Variants in LDAH observed in about 807,000 individuals in gnomAD.
The protein encoded by LDAH is lipid droplet associated hydrolase, also known as lipid droplet-associated hydrolase.
In LDAH, 26 loss-of-function variants were observed where a neutral mutation model predicts 29.6. The observed-to-expected ratio is 0.88, with a 90% confidence interval of 0.64 to 1.22. The LOEUF is 1.22. Ranked by LOEUF, LDAH falls within the 50% of genes most tolerant of loss-of-function variation. The probability of loss-of-function intolerance (pLI) is 0.00; values close to 1 mark genes in which losing one functional copy is unlikely to be tolerated. For missense variants in LDAH, 344 were observed against 387.3 expected (o/e 0.89, Z 0.94); for synonymous variants, 117 against 133.0 (o/e 0.88, Z 0.83).
chr2:20,778,424 TTA>T (rs1669963053), intron 3 of LDAH, among the ~76,000 whole-genome samples: 2 of 152,174 alleles, frequency 1.3e-5, no homozygotes, highest in African/African-American at 4.8e-5. Flanking sequence ...GCTGCTCCAG[TTA>T]TTAAAGTTAT....
rs933732289 is a variant in LDAH at position 20,808,639 on chromosome 2, T to C, written c.-2-7174A>G. On this transcript the variant is annotated intron_variant, in intron 1 of 6. Transcript: ENST00000237822. ...TGCCACTGCACTCCAGCCTGCGCGA[T>C]AGAGAGAGACTCCGTCTCAAAAAAA... Among the ~76,000 whole-genome samples the C allele has an allele frequency of 3.7e-5, 5 of 133,650 alleles. No homozygotes were observed. In the South Asian group the frequency reaches 6.9e-4, roughly 18 times the overall value. The allele number at this position is 133,650 out of a possible 152,430, so 87.7% of individuals were successfully genotyped here.
intron 3 of LDAH, among the ~76,000 whole-genome samples, chr2:20,777,708 CCTAT>C (rs1267446967): frequency 1.3e-5 from 2 of 151,998 alleles, no homozygotes; most frequent in Admixed American, 6.6e-5. Context: ...CCATTCCCAG[CCTAT>C]CTTTTTTCAT....
chr2:20,764,317 G>GA (rs1431460845), intron 4 of LDAH, among the ~76,000 whole-genome samples: 1 of 152,240 alleles, frequency 6.6e-6, no homozygotes, highest in East Asian at 1.9e-4. Context: ...AAATCTTTCA[G>GA]AAATCAGAGT....
intron 5 of LDAH, among the ~76,000 whole-genome samples, chr2:20,730,382 G>A (rs1666314775): frequency 6.6e-6 from 1 of 152,160 alleles, no homozygotes; most frequent in Non-Finnish European, 1.5e-5. Context: ...GTTTTTAACT[G>A]TCAAACTGCT....
chr2:20,728,410 TG>T (rs1666164005), intron 5 of LDAH, among the ~76,000 whole-genome samples: 1 of 152,130 alleles, frequency 6.6e-6, no homozygotes, highest in Admixed American at 6.5e-5. Context: ...CCCCTCTCTT[TG>T]TGTAACCATG....
rs146962521 is a variant in LDAH, at chr2:20,701,652, G to A, written c.704C>T (p.Ala235Val). ...PLNILEPFCL[A>V]NAAYLGGQEM... is the part of the protein sequence containing the mutation. Reference sequence around the variant, plus strand: ...TTGGCCCCCAAGGTAGGCAGCATTAGCTACATTTAAAAAATAAAAAGTCAA... The same window carrying A: ...TTGGCCCCCAAGGTAGGCAGCATTAACTACATTTAAAAAATAAAAAGTCAA... Residue 235 changes from alanine (A) to valine (V), a missense_variant and splice_region_variant, in exon 6 of 7, where the codon GCT becomes GTT. Transcript: ENST00000237822. 1.9e-6 allele frequency: 3 copies of A among 1,612,128 alleles called. No homozygotes were observed. The highest frequency in any genetic ancestry group is 2.2e-5 in the South Asian group (2 of 91,044).
At chr2:20,801,276 CAA>C (rs1671643134) in intron 2 of LDAH, 32 bp downstream of exon 2, 2 of 1,592,260 alleles carry the variant, frequency 1.3e-6, no homozygotes, top group Non-Finnish European at 1.7e-6. Context: ...TGAGTATCTA[CAA>C]AAAGTCTCCT....
At chr2:20,791,274 C>T (rs966016158) in intron 2 of LDAH, among the ~76,000 whole-genome samples, 12 of 152,188 alleles carry the variant, frequency 7.9e-5, no homozygotes, top group Non-Finnish European at 1.6e-4. Flanking sequence ...TTGCCACTTA[C>T]CAACTGTGTG....
At chr2:20,768,413 G>A (rs1669185404) in intron 4 of LDAH, among the ~76,000 whole-genome samples, 1 of 152,204 alleles carries the variant, frequency 6.6e-6, no homozygotes, top group Admixed American at 6.5e-5. Context: ...GCCTGGTCCA[G>A]CTGCAGCCTC....
At chr2:20,810,363 T>C (rs902066162) in intron 1 of LDAH, among the ~76,000 whole-genome samples, 3 of 152,226 alleles carry the variant, frequency 2.0e-5, no homozygotes, top group Admixed American at 6.5e-5. Flanking sequence ...GAGTACCAGA[T>C]TAAAGTTGTA....
At chr2:20,710,845 A>G (rs1664702430) in intron 5 of LDAH, among the ~76,000 whole-genome samples, 1 of 151,862 alleles carries the variant, frequency 6.6e-6, no homozygotes, top group Non-Finnish European at 1.5e-5. Flanking sequence ...CAGAATTCTA[A>G]GACGTCTTTC....
At chr2:20,773,851 C>T (rs1669596906) in intron 4 of LDAH, among the ~76,000 whole-genome samples, 1 of 152,142 alleles carries the variant, frequency 6.6e-6, no homozygotes, top group Non-Finnish European at 1.5e-5. Flanking sequence ...TAGCACAAAG[C>T]AGCCATGAAG....
chr2:20,711,808 C>T (rs1664785111), intron 5 of LDAH, among the ~76,000 whole-genome samples: 1 of 152,376 alleles, frequency 6.6e-6, no homozygotes, highest in East Asian at 1.9e-4. Flanking sequence ...TGAGATTGAC[C>T]TGCAAGGCAG....
intron 4 of LDAH, among the ~76,000 whole-genome samples, chr2:20,756,514 AAGAG>A (rs1668355430): frequency 6.6e-6 from 1 of 152,180 alleles, no homozygotes; most frequent in African/African-American, 2.4e-5. Context: ...GAGAGAGAGA[AAGAG>A]AGACCCATGA....
chr2:20,807,078 GA>G (rs1370308775), intron 1 of LDAH, among the ~76,000 whole-genome samples: 2 of 151,646 alleles, frequency 1.3e-5, no homozygotes, highest in Non-Finnish European at 2.9e-5. Context: ...TATCAGAAGT[GA>G]AAAAAGGATA....
intron 1 of LDAH, among the ~76,000 whole-genome samples, chr2:20,816,754 C>T (rs1672877747): frequency 6.6e-6 from 1 of 151,744 alleles, no homozygotes; most frequent in African/African-American, 2.4e-5. Flanking sequence ...AACACTGCAA[C>T]CAATAATAAC....
intron 3 of LDAH, among the ~76,000 whole-genome samples, chr2:20,784,759 C>A (rs888363504): frequency 6.6e-6 from 1 of 151,858 alleles, no homozygotes; most frequent in South Asian, 2.1e-4. Context: ...TAGTGGCACA[C>A]GTCTGTAGTC....
intron 4 of LDAH, among the ~76,000 whole-genome samples, chr2:20,759,071 A>C (rs1230520450): frequency 6.6e-6 from 1 of 152,192 alleles, no homozygotes; most frequent in Non-Finnish European, 1.5e-5. Context: ...TCCTAAGGGT[A>C]GTAGATTATG....
chr2:20,741,966 T>A (rs551414569), intron 4 of LDAH, among the ~76,000 whole-genome samples: 2 of 152,222 alleles, frequency 1.3e-5, no homozygotes, highest in African/African-American at 4.8e-5. Context: ...TTTTATTTTA[T>A]GGCACGATCC....
Sources: gnomAD v4.1 joint callset for allele counts (sites outside exome capture counted in the v4.1 genomes callset) on GRCh38, gnomAD v4.1.1 for gene constraint, MANE v1.5 for transcripts, NCBI Gene and HGNC (gene_info 2026-07-23, HGNC 2026-07-21) for gene names.